Variants in REV3L observed in about 807,000 individuals in gnomAD.
REV3L encodes REV3 like, DNA directed polymerase zeta catalytic subunit.
A neutral mutation model predicts 299.4 loss-of-function variants in REV3L; 69 were observed. The ratio of observed to expected loss-of-function variants is 0.23; its 90% CI spans 0.19 to 0.28. The LOEUF (loss-of-function observed/expected upper bound fraction) is 0.28, where lower values mean the gene tolerates loss of function less well. Ranked by LOEUF, REV3L falls within the 10% of genes least tolerant of loss-of-function variation. REV3L has a pLI of 1.00. For synonymous variants in REV3L, 1,238 were observed against 1,271.4 expected (o/e 0.97, Z 0.56); for missense variants, 3,128 against 3,693.8 (o/e 0.85, Z 3.97).
intron 16 of REV3L, chr6:111,360,502 G>T (rs1778547859): frequency 7.0e-6 from 1 of 142,764 alleles, no homozygotes; most frequent in South Asian, 2.2e-4. Context: ...TAGACACAGG[G>T]TCTCTCTCTG....
chr6:111,356,970 ACT>A (rs983459246), intron 18 of REV3L, 42 bp downstream of exon 18: 4 of 1,056,470 alleles, frequency 3.8e-6, no homozygotes, highest in Non-Finnish European at 1.4e-6. Flanking sequence ...GCATGAAACG[ACT>A]CTCTGAATAA....
chr6:111,407,478 T>C (rs1182767382), intron 3 of REV3L, among the ~76,000 whole-genome samples: 1 of 152,196 alleles, frequency 6.6e-6, no homozygotes, highest in East Asian at 1.9e-4. Flanking sequence ...AGGTGGTATA[T>C]ATCACAGAAG....
At chr6:111,461,315 A>T (rs2128325870) in intron 1 of REV3L, among the ~76,000 whole-genome samples, 1 of 152,272 alleles carries the variant, frequency 6.6e-6, no homozygotes, top group Non-Finnish European at 1.5e-5. Context: ...CAAAAGTTTT[A>T]AAAGTAAAAA....
chr6:111,332,172 T>C (rs577155503), intron 23 of REV3L, among the ~76,000 whole-genome samples: 115 of 152,010 alleles, frequency 7.6e-4, no homozygotes, highest in Admixed American at 3.1e-3. Context: ...CCCGGGTTCA[T>C]GCCATTCTCC....
At chr6:111,359,046 A>G in intron 16 of REV3L, 32 bp from the exon 17 acceptor site, 1 of 1,552,678 alleles carries the variant, frequency 6.4e-7, no homozygotes, top group South Asian at 1.2e-5. Context: ...ATGTTTTTAA[A>G]ACATTTTTTA....
intron 3 of REV3L, among the ~76,000 whole-genome samples, chr6:111,409,915 G>A (rs951702570): frequency 4.6e-5 from 7 of 152,164 alleles, no homozygotes; most frequent in African/African-American, 1.7e-4. Context: ...GGTTACCTGT[G>A]TATTCTCTAT....
intron 18 of REV3L, chr6:111,354,009 C>A (rs1411520836): frequency 6.6e-6 from 1 of 152,150 alleles, no homozygotes; most frequent in African/African-American, 2.4e-5. Flanking sequence ...CACAACAGAA[C>A]CCACACAGTT....
intron 1 of REV3L, among the ~76,000 whole-genome samples, chr6:111,470,825 C>T (rs1255859590): frequency 6.6e-6 from 1 of 151,924 alleles, no homozygotes; most frequent in African/African-American, 2.4e-5. Flanking sequence ...ACTAAAAATA[C>T]AAAAAGTAGC....
intron 4 of REV3L, among the ~76,000 whole-genome samples, chr6:111,394,823 C>A (rs1782320404): frequency 6.6e-6 from 1 of 152,008 alleles, no homozygotes; most frequent in Non-Finnish European, 1.5e-5. Flanking sequence ...CCATCTCAGC[C>A]TCCCAAGCTG....
At chr6:111,342,464 C>G (rs947774088) in intron 21 of REV3L, among the ~76,000 whole-genome samples, 3 of 152,004 alleles carry the variant, frequency 2.0e-5, no homozygotes, top group Non-Finnish European at 2.9e-5. Context: ...GTCAGGAGAT[C>G]GAGCCCATCC....
intron 1 of REV3L, among the ~76,000 whole-genome samples, chr6:111,442,062 C>T (rs780046478): frequency 1.3e-4 from 20 of 152,192 alleles, no homozygotes; most frequent in Non-Finnish European, 2.6e-4. Context: ...GAGTTGGTTA[C>T]GGCGCTGGTG....
rs1177970607 is a variant in REV3L at position 111,373,686 on chromosome 6, G to A, written c.4669C>T (p.Pro1557Ser). ...TQDPLSNKHQ[P>S]NKNISGSLEH... The stretch of plus-strand genomic sequence containing the variant: ...AGGGAACCAGAAATATTTTTATTTG[G>A]TTGATGTTTATTGGATAATGGGTCT... Residue 1557 changes from proline (P) to serine (S), a missense_variant, in exon 13 of 32, where the codon CCA becomes TCA. Coordinates refer to ENST00000368802, the MANE Select transcript of REV3L (RefSeq NM_001372078.1). The A allele has an allele frequency of 6.2e-7, 1 of 1,613,954 alleles. No individual in the cohort carries two copies.
chr6:111,344,134 T>C (rs1776799993), intron 20 of REV3L, 91 bp from the exon 21 acceptor site: 1 of 746,104 alleles, frequency 1.3e-6, no homozygotes. Context: ...TTTAAACTTT[T>C]CATAGTAGAT....
rs527451522 is a variant in REV3L, at chr6:111,322,493, C to T, written c.8351+76G>A. On this transcript the variant is annotated intron_variant, in intron 26 of 31. Coordinates refer to ENST00000368802, the MANE Select transcript of REV3L (RefSeq NM_001372078.1). Reference sequence around the variant, plus strand: ...AGAACTCTGTTTTTAGAAAAGATTCCCTTAAGCCATTTTAAACACTGAAAT... The same window carrying T: ...AGAACTCTGTTTTTAGAAAAGATTCTCTTAAGCCATTTTAAACACTGAAAT... 1.4e-5 allele frequency: 15 copies of T among 1,085,102 alleles called. No individual in the cohort carries two copies. The African/African-American group carries it at 2.0e-4, about 15-fold the overall frequency. 67.2% of individuals were successfully genotyped at this position (1,085,102 alleles called of 1,614,324 possible).
At position 111,309,904 on chromosome 6, in the gene REV3L, G is replaced by T. The variant is rs778453549; in HGVS notation, c.8991C>A (p.Ile2997=). 3 of 1,614,084 alleles carry T rather than the reference G, an allele frequency of 1.9e-6. No homozygotes were observed. The highest frequency in any genetic ancestry group is 1.7e-5 in the Admixed American group (1 of 60,014). The change falls in exon 30 of 32, where the codon ATC becomes ATA. Residue 2997 remains isoleucine, a synonymous_variant. Transcript: ENST00000368802. ...TKQILPPLAR[I]FSLIGIDVFS... The stretch of plus-strand genomic sequence containing the variant: ...AGACATCAATACCAATAAGTGAGAA[G>T]ATTCTTGCCAAGGGTGGAAGGATTT...
chr6:111,471,958 A>G, intron 1 of REV3L: 1 of 1,056,222 alleles, frequency 9.5e-7, no homozygotes, highest in Non-Finnish European at 1.2e-6. Context: ...TTCAATGCCA[A>G]GGCTCACCCC....
At chr6:111,458,944 T>C (rs151229472) in intron 1 of REV3L, among the ~76,000 whole-genome samples, 191 of 152,144 alleles carry the variant, frequency 1.3e-3, no homozygotes, top group African/African-American at 4.4e-3. Flanking sequence ...CTAAAATTCA[T>C]ATGGAACCAA....
chr6:111,479,527 T>TTA (rs1554255677), intron 1 of REV3L, among the ~76,000 whole-genome samples: 2 of 149,644 alleles, frequency 1.3e-5, no homozygotes, highest in Admixed American at 6.6e-5. Context: ...TTTTTTTTTT[T>TTA]AAGACAGGCT....
intron 17 of REV3L, 140 bp downstream of exon 17, chr6:111,358,681 CA>C: frequency 3.4e-6 from 2 of 587,568 alleles, no homozygotes; most frequent in South Asian, 6.9e-5. Flanking sequence ...AAGTTATACA[CA>C]ATCTCCTACC....
Sources: gnomAD v4.1 joint callset for allele counts (sites outside exome capture counted in the v4.1 genomes callset) on GRCh38, gnomAD v4.1.1 for gene constraint, MANE v1.5 for transcripts, NCBI Gene and HGNC (gene_info 2026-07-23, HGNC 2026-07-21) for gene names.